Variants in RERE observed in about 807,000 individuals in gnomAD.
RERE encodes the protein arginine-glutamic acid dipeptide repeats protein.
A neutral mutation model predicts 146.1 loss-of-function variants in RERE; 40 were observed. The ratio of observed to expected loss-of-function variants is 0.27; its 90% CI spans 0.21 to 0.36. The LOEUF (loss-of-function observed/expected upper bound fraction) is 0.36, where lower values mean the gene tolerates loss of function less well. Ranked by LOEUF, RERE falls within the 10% of genes least tolerant of loss-of-function variation. The pLI is 1.00. For synonymous variants in RERE, 1,003 were observed against 866.0 expected (o/e 1.16, Z -2.78); for missense variants, 1,933 against 2,138.7 (o/e 0.90, Z 1.90).
chr1:8,662,676 G>T (rs896524637), intron 1 of RERE, among the ~76,000 whole-genome samples: 1 of 151,974 alleles, frequency 6.6e-6, no homozygotes, highest in South Asian at 2.1e-4. Flanking sequence ...CCAGCCTAGG[G>T]AACAGAGTGA....
At chr1:8,615,927 G>A (rs1557436896) in intron 3 of RERE, among the ~76,000 whole-genome samples, 1 of 152,070 alleles carries the variant, frequency 6.6e-6, no homozygotes, top group Non-Finnish European at 1.5e-5. Flanking sequence ...AAATTTCTGT[G>A]CAGTCAGTCT....
At chr1:8,563,523 C>G (rs1344615032) in intron 4 of RERE, among the ~76,000 whole-genome samples, 1 of 152,212 alleles carries the variant, frequency 6.6e-6, no homozygotes, top group Non-Finnish European at 1.5e-5. Flanking sequence ...ACAGACCACT[C>G]CTGTCCCTCT....
intron 6 of RERE, among the ~76,000 whole-genome samples, chr1:8,546,313 A>AT (rs919336349): frequency 3.3e-5 from 5 of 150,130 alleles, no homozygotes; most frequent in South Asian, 4.2e-4. Flanking sequence ...AAATAAATAA[A>AT]AATATATATA....
chr1:8,361,249 G>A lies in RERE; in HGVS notation c.2258C>T (p.Ser753Leu), dbSNP rs769248776. ...APTGVTPAPS[S>L]APPGTPQLPT... ...CAGCTGAGGGGTCCCTGGAGGAGCT[G>A]AGGAGGGAGCTGGGGTGACCCCAGT... is the stretch of plus-strand genomic sequence containing the variant. The change falls in exon 18 of 23, where the codon TCA becomes TTA. Residue 753 changes from serine (S) to leucine (L), a missense_variant. Ser to Leu is a moderately radical substitution (Grantham distance 145, BLOSUM62 -2). This residue lies in a region of RERE where 1,255 missense variants were observed against 1,153.8 expected (regional missense o/e 1.09). Transcript: ENST00000400908. The A allele has an allele frequency of 1.0e-5, 16 of 1,566,296 alleles. No homozygotes were observed. Among genetic ancestry groups the A allele is most frequent in the Non-Finnish European group, 1.3e-5 (15 of 1,158,504 alleles).
intron 12 of RERE, among the ~76,000 whole-genome samples, chr1:8,379,413 G>T (rs958562316): frequency 6.6e-6 from 1 of 152,166 alleles, no homozygotes; most frequent in Non-Finnish European, 1.5e-5. Flanking sequence ...GGTTCCAGGG[G>T]TTTCCAAGCC....
At chr1:8,761,341 T>C (rs1457298787) in intron 1 of RERE, among the ~76,000 whole-genome samples, 1 of 152,214 alleles carries the variant, frequency 6.6e-6, no homozygotes, top group Non-Finnish European at 1.5e-5. Flanking sequence ...CATCTTAACC[T>C]TGATGACTTC....
At chr1:8,554,402 T>C (rs1645978976) in intron 6 of RERE, among the ~76,000 whole-genome samples, 1 of 151,692 alleles carries the variant, frequency 6.6e-6, no homozygotes, top group South Asian at 2.1e-4. Context: ...TATTCCAGGA[T>C]TTGGCTGAGT....
intron 12 of RERE, among the ~76,000 whole-genome samples, chr1:8,402,103 G>A (rs1312564973): frequency 6.6e-6 from 1 of 152,124 alleles, no homozygotes; most frequent in Non-Finnish European, 1.5e-5. Flanking sequence ...TCTTGACCTC[G>A]TGATCCACCT....
chr1:8,456,977 C>T (rs2124093516), intron 11 of RERE, among the ~76,000 whole-genome samples: 1 of 152,316 alleles, frequency 6.6e-6, no homozygotes, highest in African/African-American at 2.4e-5. Context: ...TATCCTCCTT[C>T]CCCACTACAA....
chr1:8,440,738 A>G (rs1644236202), intron 11 of RERE, among the ~76,000 whole-genome samples: 1 of 148,946 alleles, frequency 6.7e-6, no homozygotes, highest in Admixed American at 6.7e-5. Flanking sequence ...ATACAAAAAA[A>G]AAAAAAAATT....
At chr1:8,531,445 CA>C (rs59456624) in intron 7 of RERE, among the ~76,000 whole-genome samples, 207 of 126,136 alleles carry the variant, frequency 1.6e-3, no homozygotes, top group Non-Finnish European at 2.7e-3. Context: ...TCCACCTCAA[CA>C]AAAAAAAAAA....
chr1:8,410,690 A>G (rs1290765251), intron 12 of RERE, among the ~76,000 whole-genome samples: 1 of 152,208 alleles, frequency 6.6e-6, no homozygotes, highest in Admixed American at 6.5e-5. Context: ...AAGTTTTAAC[A>G]TTGAAAACAC....
At chr1:8,472,647 T>C (rs1239833908) in intron 10 of RERE, among the ~76,000 whole-genome samples, 4 of 152,192 alleles carry the variant, frequency 2.6e-5, no homozygotes, top group African/African-American at 9.7e-5. Flanking sequence ...TATAGAGAAC[T>C]GTACATTTTG....
At chr1:8,590,497 CAG>C (rs1646479516) in intron 4 of RERE, among the ~76,000 whole-genome samples, 1 of 152,082 alleles carries the variant, frequency 6.6e-6, no homozygotes, top group South Asian at 2.1e-4. Flanking sequence ...TATGAAACTG[CAG>C]AGACTTCAGC....
intron 12 of RERE, among the ~76,000 whole-genome samples, chr1:8,397,542 G>A (rs1643095961): frequency 6.7e-6 from 1 of 150,004 alleles, no homozygotes; most frequent in Admixed American, 6.7e-5. Context: ...AAACCTTTCT[G>A]ATCCCAGTTA....
chr1:8,448,482 G>A (rs1343040418), intron 11 of RERE, among the ~76,000 whole-genome samples: 2 of 152,192 alleles, frequency 1.3e-5, no homozygotes, highest in Non-Finnish European at 2.9e-5. Context: ...AAAAAGGCCA[G>A]GCGCAGTGGC....
At chr1:8,386,138 G>A (rs188131362) in intron 12 of RERE, among the ~76,000 whole-genome samples, 87 of 143,690 alleles carry the variant, frequency 6.1e-4, no homozygotes, top group African/African-American at 2.1e-3. Flanking sequence ...TAAATTTCAT[G>A]AATACTTATA....
chr1:8,693,645 C>T (rs1281633698), intron 1 of RERE, among the ~76,000 whole-genome samples: 1 of 152,022 alleles, frequency 6.6e-6, no homozygotes, highest in Non-Finnish European at 1.5e-5. Flanking sequence ...AGTAAAGACT[C>T]TTCTATATGA....
In RERE at chr1:8,701,330, A is replaced by T. The variant is rs1017253855; in HGVS notation, c.-144-44889T>A. 2.1e-4 allele frequency among the ~76,000 whole-genome samples: 27 copies of T among 126,134 alleles called. 1 individual carries two copies. The highest frequency in any genetic ancestry group is 1.6e-3 in the Admixed American group (21 of 12,802). 82.7% of individuals were successfully genotyped at this position (126,134 alleles called of 152,430 possible). The stretch of plus-strand genomic sequence containing the variant: ...CACACACACACACACACACGCACAC[A>T]CTCCCTCCCTCCCTCTCTCAGGCAT... On this transcript the variant is annotated intron_variant, in intron 1 of 22. Transcript: ENST00000400908.
Sources: gnomAD v4.1 joint callset for allele counts (sites outside exome capture counted in the v4.1 genomes callset) on GRCh38, gnomAD v4.1.1 for gene constraint, gnomAD v4.1.1 regional missense constraint, MANE v1.5 for transcripts, NCBI Gene and HGNC (gene_info 2026-07-23, HGNC 2026-07-21) for gene names.